ANKDD1B: variants seen among roughly 807,000 people sequenced by gnomAD.
ANKDD1B encodes the protein ankyrin repeat and death domain containing 1B, also known as ankyrin repeat and death domain-containing protein 1B.
ANKDD1B carries 57 observed loss-of-function variants against 59.7 expected under a neutral mutation model. That is an observed-to-expected ratio of 0.95 (90% CI 0.77 to 1.19). The LOEUF is 1.19. Among genes scored for constraint, ANKDD1B ranks in the 50% most tolerant of loss-of-function variants. The pLI, the probability that ANKDD1B is intolerant of heterozygous loss-of-function variation, is 0.00. For synonymous variants in ANKDD1B, 216 were observed against 239.5 expected (o/e 0.90, Z 0.91); for missense variants, 602 against 641.9 (o/e 0.94, Z 0.67).
intron 7 of ANKDD1B, among the ~76,000 whole-genome samples, chr5:75,650,364 G>A (rs539468292): frequency 6.6e-6 from 1 of 152,162 alleles, no homozygotes; most frequent in Non-Finnish European, 1.5e-5. Context: ...TTTTGACAAT[G>A]GAGCAAGGGG....
At chr5:75,613,297 T>G (rs1773619548) in intron 1 of ANKDD1B, among the ~76,000 whole-genome samples, 1 of 152,136 alleles carries the variant, frequency 6.6e-6, no homozygotes, top group African/African-American at 2.4e-5. Context: ...ATGCATAGGG[T>G]ATTATGGCAT....
At chr5:75,655,320 C>T (rs1004713416) in intron 8 of ANKDD1B, among the ~76,000 whole-genome samples, 5 of 152,164 alleles carry the variant, frequency 3.3e-5, no homozygotes, top group African/African-American at 1.2e-4. Flanking sequence ...GGCTTGGTGA[C>T]CACCTTGTGG....
Position 75,650,777 on chromosome 5 carries a change from G to T in ANKDD1B, c.799-2365G>T, listed in dbSNP as rs1774810006. 3.3e-5 allele frequency among the ~76,000 whole-genome samples: 5 copies of T among 152,272 alleles called. 1 individual carries two copies. The South Asian group carries it at 1.0e-3, about 32-fold the overall frequency. On this transcript the variant is annotated intron_variant, in intron 7 of 13. Coordinates refer to ENST00000601380, the MANE Select transcript of ANKDD1B (RefSeq NM_001276713.2). ...TAACAATCCAACCCAAAGCTCAGTGGCTTAAAACAACAATGTATTATTATT... is the reference window on the plus strand; with the variant it reads ...TAACAATCCAACCCAAAGCTCAGTGTCTTAAAACAACAATGTATTATTATT...
At chr5:75,649,261 C>T (rs1449248689) in intron 7 of ANKDD1B, among the ~76,000 whole-genome samples, 1 of 149,760 alleles carries the variant, frequency 6.7e-6, no homozygotes, top group African/African-American at 2.5e-5. Context: ...TTGGCTATGA[C>T]AGACTCACCT....
chr5:75,629,786 C>T (rs1774100067), intron 5 of ANKDD1B, among the ~76,000 whole-genome samples: 1 of 151,682 alleles, frequency 6.6e-6, no homozygotes, highest in South Asian at 2.1e-4. Context: ...AAATACAAAA[C>T]ATTAGCTGGC....
chr5:75,641,781 T>A (rs1774471522), intron 7 of ANKDD1B, among the ~76,000 whole-genome samples: 1 of 152,230 alleles, frequency 6.6e-6, no homozygotes, highest in Non-Finnish European at 1.5e-5. Context: ...AGTCTATATT[T>A]GTATAATCTT....
At chr5:75,635,585 G>A (rs1353500829) in intron 6 of ANKDD1B, 199 bp from the exon 7 acceptor site, 2 of 385,950 alleles carry the variant, frequency 5.2e-6, no homozygotes. Flanking sequence ...TTTCCTACTG[G>A]TTCAAAAAAC....
chr5:75,635,713 CA>C (rs1324249772), intron 6 of ANKDD1B, 70 bp from the exon 7 acceptor site: 3 of 984,002 alleles, frequency 3.0e-6, no homozygotes, highest in African/African-American at 3.2e-5. Flanking sequence ...AACTCCATTG[CA>C]GCCCTTACTA....
At chr5:75,629,142 T>A (rs974650300) in intron 5 of ANKDD1B, among the ~76,000 whole-genome samples, 2 of 152,156 alleles carry the variant, frequency 1.3e-5, no homozygotes, top group East Asian at 3.9e-4. Flanking sequence ...TTTTCTTATA[T>A]AGACCCAAGG....
At chr5:75,622,221 A>G (rs2112960134) in intron 3 of ANKDD1B, among the ~76,000 whole-genome samples, 1 of 152,366 alleles carries the variant, frequency 6.6e-6, no homozygotes, top group South Asian at 2.1e-4. Flanking sequence ...TCAATTAGAC[A>G]GAAGTCATTG....
At chr5:75,618,082 T>C (rs1006579785) in intron 2 of ANKDD1B, among the ~76,000 whole-genome samples, 1 of 151,832 alleles carries the variant, frequency 6.6e-6, no homozygotes, top group African/African-American at 2.4e-5. Flanking sequence ...AGCAACATTT[T>C]GTAGCGTAAC....
intron 5 of ANKDD1B, among the ~76,000 whole-genome samples, chr5:75,627,373 A>G (rs1774022204): frequency 6.6e-6 from 1 of 152,150 alleles, no homozygotes; most frequent in Non-Finnish European, 1.5e-5. Flanking sequence ...ACCTATGCAA[A>G]TGCGCTTCGT....
chr5:75,671,025 A>T lies in ANKDD1B; in HGVS notation c.1572A>T (p.Lys524Asn). Residue 524 changes from lysine (K) to asparagine (N), a missense_variant, in exon 14 of 14, where the codon AAA becomes AAT. By Grantham distance (94) the Lys-to-Asn change is moderately conservative (BLOSUM62 0). This residue lies in a region of ANKDD1B where 280 missense variants were observed against 319.8 expected (regional missense o/e 0.88). Transcript: ENST00000601380. ...FKSKTDSNSKKCVVS is the reference protein window; with the variant it reads ...FKSKTDSNSKNCVVS Reference sequence around the variant, plus strand: ...GCAAAACTGACTCAAACTCCAAGAAATGTGTAGTTTCATAAATGCCTAAAG... The same window carrying T: ...GCAAAACTGACTCAAACTCCAAGAATTGTGTAGTTTCATAAATGCCTAAAG... The T allele has an allele frequency of 8.1e-7, 1 of 1,228,346 alleles. No homozygotes were observed. The highest frequency in any genetic ancestry group is 4.1e-5 in the South Asian group (1 of 24,254). 76.1% of individuals were successfully genotyped at this position (1,228,346 alleles called of 1,614,324 possible).
chr5:75,662,471 G>T (rs16872726), intron 10 of ANKDD1B, among the ~76,000 whole-genome samples: 9,402 of 152,136 alleles, frequency 0.062, 460 homozygotes, highest in South Asian at 0.16. Flanking sequence ...ATCCATAAGG[G>T]TTCCTAAGAT....
chr5:75,667,111 G>A (rs1775330899), intron 12 of ANKDD1B, 118 bp downstream of exon 12: 2 of 620,312 alleles, frequency 3.2e-6, no homozygotes, highest in Non-Finnish European at 5.0e-6. Context: ...CAGTCTTCAA[G>A]GGGCCCAGGA....
intron 7 of ANKDD1B, among the ~76,000 whole-genome samples, chr5:75,650,205 A>T (rs1774792943): frequency 6.6e-6 from 1 of 152,236 alleles, no homozygotes; most frequent in Non-Finnish European, 1.5e-5. Context: ...GATGGAATTA[A>T]GGTTGCTAAT....
intron 5 of ANKDD1B, among the ~76,000 whole-genome samples, chr5:75,628,686 C>A (rs1348024987): frequency 6.6e-6 from 1 of 152,074 alleles, no homozygotes; most frequent in Non-Finnish European, 1.5e-5. Flanking sequence ...TGGAAGGAGG[C>A]CCTTAAAACA....
At chr5:75,620,281 C>T in intron 2 of ANKDD1B, 34 bp from the exon 3 acceptor site, 1 of 1,112,406 alleles carries the variant, frequency 9.0e-7, no homozygotes, top group Non-Finnish European at 1.3e-6. Flanking sequence ...GAATAATGAT[C>T]AGATGACTAA....
chr5:75,630,295 G>A (rs2112972053), intron 5 of ANKDD1B, among the ~76,000 whole-genome samples: 1 of 152,292 alleles, frequency 6.6e-6, no homozygotes, highest in East Asian at 1.9e-4. Context: ...TGTACTCAAT[G>A]AGAGAAAAGA....
Sources: allele counts gnomAD v4.1 joint callset (sites outside exome capture counted in the v4.1 genomes callset), GRCh38; gene constraint gnomAD v4.1.1; regional missense constraint gnomAD v4.1.1; transcripts MANE v1.5; gene names NCBI Gene and HGNC (gene_info 2026-07-23, HGNC 2026-07-21).